GPATCH8: variants seen among roughly 807,000 people sequenced by gnomAD.
GPATCH8 encodes the protein G-patch domain containing 8.
Under a neutral mutation model 118.3 loss-of-function variants are expected in GPATCH8, and 18 were observed. The observed-to-expected ratio is 0.15, with a 90% CI of 0.11 to 0.23. The LOEUF (loss-of-function observed/expected upper bound fraction) is 0.23. Ranked by LOEUF, GPATCH8 falls within the 10% of genes least tolerant of loss-of-function variation. The pLI, the probability that GPATCH8 is intolerant of heterozygous loss-of-function variation, is 1.00. For synonymous variants in GPATCH8, 659 were observed against 684.7 expected, an observed-to-expected ratio of 0.96 and a Z score of 0.59; for missense variants, 1,631 against 1,873.8, an observed-to-expected ratio of 0.87 and a Z score of 2.39.
chr17:44,435,898 T>C (rs1304079955), intron 4 of GPATCH8, among the ~76,000 whole-genome samples: 1 of 150,318 alleles, frequency 6.7e-6, no homozygotes. Context: ...GTCATGCGCC[T>C]GTAATCCCAG....
At chr17:44,429,506 A>AT (rs2050214889) in intron 5 of GPATCH8, among the ~76,000 whole-genome samples, 1 of 152,116 alleles carries the variant, frequency 6.6e-6, no homozygotes, top group Non-Finnish European at 1.5e-5. Context: ...CCACTTATAT[A>AT]AAGTTAAAAA....
At position 44,453,500 on chromosome 17, in the gene GPATCH8, G is replaced by GGTGTGTGTGTGTGTGTGT. The variant is rs56962134; in HGVS notation, c.193+10954_193+10971dup. Among the ~76,000 whole-genome samples, 266 of 142,738 alleles carry GGTGTGTGTGTGTGTGTGT rather than the reference G, an allele frequency of 1.9e-3. 6 individuals carry two copies. Among genetic ancestry groups the GGTGTGTGTGTGTGTGTGT allele is most frequent in the African/African-American group, 6.4e-3 (235 of 36,900 alleles). The allele number at this position is 142,738 out of a possible 152,430, so 93.6% of individuals were successfully genotyped here. ...AGTTGTAGGTAGGTAGGTAGGTAGG[G>GGTGTGTGTGTGTGTGTGT]GTGTGTGTGTGTGTGTGTGTGTGTG... On this transcript the variant is annotated intron_variant, in intron 3 of 7. Transcript: ENST00000591680.
At chr17:44,459,908 G>C (rs2051481385) in intron 3 of GPATCH8, among the ~76,000 whole-genome samples, 1 of 152,150 alleles carries the variant, frequency 6.6e-6, no homozygotes, top group Admixed American at 6.5e-5. Context: ...AACAGGGTGA[G>C]ATAGGAAATA....
intron 5 of GPATCH8, among the ~76,000 whole-genome samples, chr17:44,429,902 G>A (rs1329790468): frequency 5.3e-5 from 8 of 151,782 alleles, no homozygotes; most frequent in African/African-American, 1.5e-4. Context: ...GGTGGCGCAC[G>A]CCTGTAATCC....
At chr17:44,491,486 CAAAAAAAAAA>C in intron 1 of GPATCH8, among the ~76,000 whole-genome samples, 1 of 69,554 alleles carries the variant, frequency 1.4e-5, no homozygotes. Flanking sequence ...GACTCCGTCT[CAAAAAAAAAA>C]AAAAAAAAAA....
At position 44,400,309 on chromosome 17, in the gene GPATCH8, C is replaced by T; in HGVS notation, c.1768G>A (p.Glu590Lys). 1 of 1,614,182 alleles carries T rather than the reference C, an allele frequency of 6.2e-7. No homozygotes were observed. Among genetic ancestry groups the T allele is most frequent in the Non-Finnish European group, 8.5e-7 (1 of 1,180,002 alleles). ...GAGCTTCCTATATCCTTTGGTTTTT[C>T]TGTTCCTTTAGTTCTGGCATCTTTG... ...RNKDARTKGT[E>K]KPKDIGSSSK... Residue 590 changes from glutamate to lysine, a missense_variant, in exon 8 of 8, where the codon GAA (glutamate) becomes AAA (lysine). Physicochemically the swap from Glu to Lys is moderately conservative, Grantham distance 56. Around this residue, in one of 8 missense-constraint regions of GPATCH8, gnomAD observed 405 missense variants for 462.7 expected, o/e 0.88. Transcript: ENST00000591680.
chr17:44,414,125 A>ATGTGTATATATATATATGTGTATATATG (rs1567955570), intron 6 of GPATCH8, among the ~76,000 whole-genome samples: 2 of 33,094 alleles, frequency 6.0e-5, no homozygotes, highest in Non-Finnish European at 1.9e-4. Context: ...ATGTATATAT[A>ATGTGTATATATATATATGTGTATATATG]TGTGTATATA....
At chr17:44,431,198 C>T (rs1450269992) in intron 5 of GPATCH8, among the ~76,000 whole-genome samples, 1 of 151,068 alleles carries the variant, frequency 6.6e-6, no homozygotes, top group Admixed American at 6.6e-5. Context: ...TGACAGAACC[C>T]TGTCTCCACT....
chr17:44,442,083 G>GTATA (rs1314300455), intron 3 of GPATCH8, among the ~76,000 whole-genome samples: 1 of 83,488 alleles, frequency 1.2e-5, no homozygotes, highest in Non-Finnish European at 2.7e-5. Context: ...ATATATATGT[G>GTATA]TGTATATGTA....
intron 1 of GPATCH8, among the ~76,000 whole-genome samples, chr17:44,489,224 A>T (rs865934172): frequency 6.6e-6 from 1 of 152,094 alleles, no homozygotes; most frequent in African/African-American, 2.4e-5. Flanking sequence ...TAGTATATGG[A>T]TAATATACTA....
chr17:44,435,998 T>C, intron 4 of GPATCH8, among the ~76,000 whole-genome samples: 1 of 118,102 alleles, frequency 8.5e-6, no homozygotes. Flanking sequence ...CATTGCACTC[T>C]AGCCTGGGCA....
intron 1 of GPATCH8, among the ~76,000 whole-genome samples, chr17:44,484,131 T>G (rs572047583): frequency 2.0e-5 from 3 of 152,044 alleles, no homozygotes; most frequent in Admixed American, 6.6e-5. Context: ...TGAGCCACCA[T>G]GCCAGACCAA....
chr17:44,446,852 A>G (rs888963338), intron 3 of GPATCH8, among the ~76,000 whole-genome samples: 11 of 151,200 alleles, frequency 7.3e-5, no homozygotes, highest in African/African-American at 2.2e-4. Flanking sequence ...TTTTTTCCTT[A>G]AAGACTGAGT....
intron 6 of GPATCH8, among the ~76,000 whole-genome samples, chr17:44,410,634 C>G (rs1445079312): frequency 1.3e-5 from 2 of 152,132 alleles, no homozygotes; most frequent in Non-Finnish European, 2.9e-5. Context: ...TTGGGAAATA[C>G]CTTAATTCAA....
In GPATCH8 at chr17:44,502,752, T is replaced by C. The variant is rs114510037; in HGVS notation, c.45+574A>G. Among the ~76,000 whole-genome samples the C allele has an allele frequency of 3.8e-3, 579 of 152,314 alleles. 3 individuals carry two copies. Among genetic ancestry groups the C allele is most frequent in the Middle Eastern group, 0.02 (6 of 294 alleles). On this transcript the variant is annotated intron_variant, in intron 1 of 7. Transcript: ENST00000591680. ...AACAGCCTAATAACAGCAACACTTA[T>C]GCCCCGCGAAATCTCAATGTATGAC...
At chr17:44,427,063 G>A (rs1399086694) in intron 5 of GPATCH8, among the ~76,000 whole-genome samples, 1 of 151,702 alleles carries the variant, frequency 6.6e-6, no homozygotes, top group African/African-American at 2.4e-5. Flanking sequence ...ATATGTAATT[G>A]CCTAAATTAA....
chr17:44,484,404 C>G (rs944136375), intron 1 of GPATCH8, among the ~76,000 whole-genome samples: 4 of 152,112 alleles, frequency 2.6e-5, no homozygotes, highest in African/African-American at 9.7e-5. Context: ...CTTTTTAAAG[C>G]TTAAAGTAAC....
intron 2 of GPATCH8, among the ~76,000 whole-genome samples, chr17:44,473,998 G>T (rs1022152484): frequency 6.6e-6 from 1 of 152,180 alleles, no homozygotes; most frequent in Admixed American, 6.6e-5. Flanking sequence ...GGCTTGTCAT[G>T]ATGGTTATAA....
intron 3 of GPATCH8, among the ~76,000 whole-genome samples, chr17:44,439,724 T>C (rs1232455312): frequency 6.6e-6 from 1 of 152,130 alleles, no homozygotes; most frequent in Non-Finnish European, 1.5e-5. Context: ...TTTGTAGTGA[T>C]GACCTCAAAA....
Sources: allele counts gnomAD v4.1 joint callset (sites outside exome capture counted in the v4.1 genomes callset), GRCh38; gene constraint gnomAD v4.1.1; regional missense constraint gnomAD v4.1.1; transcripts MANE v1.5; gene names NCBI Gene and HGNC (gene_info 2026-07-23, HGNC 2026-07-21).